NHS: variants seen among roughly 807,000 people sequenced by gnomAD.
NHS encodes actin remodeling regulator NHS.
Under a neutral mutation model 72.5 loss-of-function variants are expected in NHS, and 5 were observed. The ratio of observed to expected loss-of-function variants is 0.07; its 90% CI spans 0.04 to 0.14. The LOEUF is 0.14. Among genes scored for constraint, NHS ranks in the 10% least tolerant of loss-of-function variants. The pLI is 1.00. For synonymous variants in NHS, 464 were observed against 547.7 expected, an observed-to-expected ratio of 0.85 and a Z score of 2.13; for missense variants, 1,072 against 1,355.7, an observed-to-expected ratio of 0.79 and a Z score of 3.29.
At chrX:17,431,957 C>A (rs1478418440) in intron 1 of NHS, among the ~76,000 whole-genome samples, 4 of 111,876 alleles carry the variant, frequency 3.6e-5, no homozygotes, top group African/African-American at 1.3e-4. Context: ...GTTTAGGCTC[C>A]CAGTTTCATT....
chrX:17,554,914 T>G, intron 1 of NHS, among the ~76,000 whole-genome samples: 1 of 110,786 alleles, frequency 9.0e-6, no homozygotes, highest in Non-Finnish European at 1.9e-5. Flanking sequence ...GTTTGTTACA[T>G]AGCTATACAT....
chrX:17,542,580 TG>T (rs2065270085), intron 1 of NHS, among the ~76,000 whole-genome samples: 1 of 112,544 alleles, frequency 8.9e-6, no homozygotes, highest in Admixed American at 9.4e-5. Context: ...AATTGTGGCT[TG>T]CTGGGTCAGC....
intron 1 of NHS, among the ~76,000 whole-genome samples, chrX:17,382,492 C>T (rs757907983): frequency 1.1e-4 from 12 of 112,058 alleles, no homozygotes; most frequent in Non-Finnish European, 1.7e-4. Flanking sequence ...TCACCAACCT[C>T]GAGGTCATGA....
At position 17,734,794 on chromosome X, in the gene NHS, G is replaced by T. The variant is rs2066511247; in HGVS notation, c.*2330G>T. On this transcript the variant is annotated 3_prime_UTR_variant, in exon 9 of 9. Transcript: ENST00000676302. Reference sequence around the variant, plus strand: ...TAAAGTTTTTAGGCAAATGCGATAAGAAACCGTCATTTCCAGTCACAGTAG... The same window carrying T: ...TAAAGTTTTTAGGCAAATGCGATAATAAACCGTCATTTCCAGTCACAGTAG... The T allele has an allele frequency of 8.9e-6, 1 of 112,312 alleles. No homozygotes were observed. The highest frequency in any genetic ancestry group is 3.2e-5 in the African/African-American group (1 of 30,771). 9.3% of individuals were successfully genotyped at this position (112,312 alleles called of 1,213,427 possible).
intron 1 of NHS, among the ~76,000 whole-genome samples, chrX:17,544,449 A>AT (rs1199648759): frequency 8.9e-6 from 1 of 111,864 alleles, no homozygotes; most frequent in Non-Finnish European, 1.9e-5. Flanking sequence ...CCTTCTGCTG[A>AT]TTTTCTGATT....
At chrX:17,616,571 T>A (rs1428072412) in intron 1 of NHS, among the ~76,000 whole-genome samples, 1 of 112,838 alleles carries the variant, frequency 8.9e-6, no homozygotes, top group Non-Finnish European at 1.9e-5. Flanking sequence ...TTTAAAATTA[T>A]TAATGCGATG....
In NHS at chrX:17,412,262, A is replaced by G. The variant is rs193176468; in HGVS notation, c.565+35940A>G. 6.0e-3 allele frequency among the ~76,000 whole-genome samples: 656 copies of G among 110,041 alleles called. 3 individuals carry two copies. Among genetic ancestry groups the G allele is most frequent in the African/African-American group, 0.02 (616 of 30,353 alleles). On this transcript the variant is annotated intron_variant, in intron 1 of 8. Transcript: ENST00000676302. ...ATATATGTATTCTATCATCATATCA[A>G]GAACATAGCTCAAAAATGTTTTCAA...
rs773610031 is a variant in NHS at position 17,595,830 on chromosome X, A to G, written c.566-91912A>G. On this transcript the variant is annotated intron_variant, in intron 1 of 8. Transcript: ENST00000676302. Reference sequence around the variant, plus strand: ...TGGGCAATTACTCAACAGCTATGCCAGTGGGTAAATATTTACTTATCATCT... The same window carrying G: ...TGGGCAATTACTCAACAGCTATGCCGGTGGGTAAATATTTACTTATCATCT... Among the ~76,000 whole-genome samples the G allele has an allele frequency of 2.7e-5, 3 of 112,474 alleles. No individual in the cohort carries two copies. The South Asian group carries it at 1.1e-3, about 41-fold the overall frequency.
Position 17,466,501 on chromosome X carries a change from G to A in NHS, c.565+90179G>A, listed in dbSNP as rs146007750. Among the ~76,000 whole-genome samples, 487 of 112,315 alleles carry A rather than the reference G, an allele frequency of 4.3e-3. 2 individuals carry two copies. Among genetic ancestry groups the A allele is most frequent in the Non-Finnish European group, 6.4e-3 (341 of 53,247 alleles). On this transcript the variant is annotated intron_variant, in intron 1 of 8. Coordinates refer to ENST00000676302, the MANE Select transcript of NHS (RefSeq NM_001291867.2). The stretch of plus-strand genomic sequence containing the variant: ...GCTTGAGTGGAAGAAGTTGGCCAGA[G>A]TTGGGCTAGTCAAGCACCTCGTAGT...
At chrX:17,706,688 T>C (rs1344883830) in intron 3 of NHS, among the ~76,000 whole-genome samples, 3 of 111,823 alleles carry the variant, frequency 2.7e-5, no homozygotes, top group African/African-American at 9.8e-5. Flanking sequence ...GAGAATCTGA[T>C]ATAAGGTGAT....
At chrX:17,660,671 A>T (rs1280455453) in intron 1 of NHS, among the ~76,000 whole-genome samples, 1 of 112,227 alleles carries the variant, frequency 8.9e-6, no homozygotes, top group African/African-American at 3.2e-5. Context: ...TCACTCCAGC[A>T]GGGTAACTGG....
intron 1 of NHS, among the ~76,000 whole-genome samples, chrX:17,532,312 G>A (rs1601750388): frequency 9.0e-6 from 1 of 111,081 alleles, no homozygotes; most frequent in East Asian, 2.8e-4. Flanking sequence ...TCAATCCATC[G>A]AGGCACACTT....
intron 1 of NHS, among the ~76,000 whole-genome samples, chrX:17,492,223 G>A (rs1049899964): frequency 1.8e-5 from 2 of 111,822 alleles, no homozygotes; most frequent in Admixed American, 9.5e-5. Context: ...TAATTGTGAT[G>A]TTAGGGTGTT....
intron 1 of NHS, among the ~76,000 whole-genome samples, chrX:17,383,554 A>G (rs779675006): frequency 2.7e-5 from 3 of 112,448 alleles, no homozygotes; most frequent in Admixed American, 1.9e-4. Context: ...GAAAAGGGAA[A>G]GCAAGCACAT....
chrX:17,557,941 G>T (rs758069900), intron 1 of NHS, among the ~76,000 whole-genome samples: 2 of 111,620 alleles, frequency 1.8e-5, no homozygotes, highest in Non-Finnish European at 3.8e-5. Flanking sequence ...CAGGGTGAGG[G>T]TTTTGAGAGA....
chrX:17,477,067 A>G (rs1413894130), intron 1 of NHS, among the ~76,000 whole-genome samples: 1 of 112,399 alleles, frequency 8.9e-6, no homozygotes, highest in Non-Finnish European at 1.9e-5. Context: ...AACAAAACAC[A>G]TACAGATCTC....
At chrX:17,625,708 T>C (rs1357430191) in intron 1 of NHS, among the ~76,000 whole-genome samples, 1 of 112,152 alleles carries the variant, frequency 8.9e-6, no homozygotes, top group African/African-American at 3.2e-5. Flanking sequence ...GCAAGAGAAA[T>C]TGGTGAAATT....
intron 1 of NHS, among the ~76,000 whole-genome samples, chrX:17,574,812 T>C: frequency 9.0e-6 from 1 of 111,490 alleles, no homozygotes; most frequent in Non-Finnish European, 1.9e-5. Context: ...ATTGGAGCTG[T>C]TCCCATTTGG....
At chrX:17,620,943 C>A (rs1262305553) in intron 1 of NHS, among the ~76,000 whole-genome samples, 2 of 111,423 alleles carry the variant, frequency 1.8e-5, no homozygotes, top group Non-Finnish European at 3.8e-5. Context: ...TGGAAAGCCT[C>A]ATTTGCTCTG....
Sources: gnomAD v4.1 joint callset for allele counts (sites outside exome capture counted in the v4.1 genomes callset) on GRCh38, gnomAD v4.1.1 for gene constraint, MANE v1.5 for transcripts, NCBI Gene and HGNC (gene_info 2026-07-23, HGNC 2026-07-21) for gene names.